Variants in UBE2G2 observed in about 807,000 individuals in gnomAD.
The protein encoded by UBE2G2 is ubiquitin-conjugating enzyme E2 G2.
UBE2G2 carries 10 observed loss-of-function variants against 23.0 expected under a neutral mutation model. The observed-to-expected ratio is 0.43, with a 90% CI of 0.27 to 0.74. The LOEUF (loss-of-function observed/expected upper bound fraction) is 0.74. Among genes scored for constraint, UBE2G2 ranks in the 30% least tolerant of loss-of-function variants. UBE2G2 has a pLI of 0.19. For synonymous variants in UBE2G2, 86 were observed against 81.3 expected (o/e 1.06, Z -0.31); for missense variants, 150 against 218.3 (o/e 0.69, Z 1.97).
chr21:44,781,668 T>C (rs1199599531), intron 3 of UBE2G2, among the ~76,000 whole-genome samples: 1 of 152,182 alleles, frequency 6.6e-6, no homozygotes, highest in African/African-American at 2.4e-5. Context: ...ATGACATATT[T>C]GACCCTCACC....
rs1319255471 is a variant in UBE2G2 at position 44,770,178 on chromosome 21, C to T, written c.*1199G>A. ...AGAGTCCCTTCTGAATTTTGAGTTG[C>T]AAAGAATGATTTTGTGCTAATAAAT... is the stretch of plus-strand genomic sequence containing the variant. On this transcript the variant is annotated 3_prime_UTR_variant, in exon 6 of 6. Transcript: ENST00000345496. The T allele has an allele frequency of 1.3e-5, 2 of 152,030 alleles. No homozygotes were observed. The highest frequency in any genetic ancestry group is 2.9e-5 in the Non-Finnish European group (2 of 68,014). 9.4% of individuals were successfully genotyped at this position (152,030 alleles called of 1,614,324 possible).
Position 44,792,642 on chromosome 21 carries a change from T to C in UBE2G2, c.44-4547A>G, listed in dbSNP as rs2083054751. Among the ~76,000 whole-genome samples, 5 of 152,224 alleles carry C rather than the reference T, an allele frequency of 3.3e-5. No homozygotes were observed. The South Asian group carries it at 1.0e-3, about 32-fold the overall frequency. On this transcript the variant is annotated intron_variant, in intron 1 of 5. Coordinates refer to ENST00000345496, the MANE Select transcript of UBE2G2 (RefSeq NM_003343.6). ...TTTATAATTACCCAGTCTCAGGTAG[T>C]ATCTTTATGGCAGTATAAGAACGGA...
intron 4 of UBE2G2, chr21:44,774,982 A>G (rs1276291480): frequency 3.3e-6 from 1 of 303,124 alleles, no homozygotes; most frequent in African/African-American, 2.3e-5. Flanking sequence ...TCTACCCTAG[A>G]CCACTACAGC....
At chr21:44,778,601 T>C (rs1343470757) in intron 3 of UBE2G2, among the ~76,000 whole-genome samples, 1 of 152,216 alleles carries the variant, frequency 6.6e-6, no homozygotes, top group Middle Eastern at 3.2e-3. Context: ...CGAACTCCTC[T>C]TCTCCTACAA....
intron 4 of UBE2G2, among the ~76,000 whole-genome samples, chr21:44,776,016 C>T (rs2082910884): frequency 6.6e-6 from 1 of 152,124 alleles, no homozygotes; most frequent in South Asian, 2.1e-4. Flanking sequence ...GGCAGCCGCC[C>T]ACTACCTATG....
Position 44,792,871 on chromosome 21 carries a change from G to T in UBE2G2, c.44-4776C>A, listed in dbSNP as rs575759236. Among the ~76,000 whole-genome samples the T allele has an allele frequency of 3.3e-5, 5 of 152,354 alleles. No individual in the cohort carries two copies. The South Asian group carries it at 1.0e-3, about 32-fold the overall frequency. ...AGAGAAGGCAGAGTGGCAAGGAGGG[G>T]CCAGCAAGGCAGGCCAAAGGCAAGT... On this transcript the variant is annotated intron_variant, in intron 1 of 5. Coordinates refer to ENST00000345496, the MANE Select transcript of UBE2G2 (RefSeq NM_003343.6).
At chr21:44,774,822 T>C in intron 4 of UBE2G2, 1 of 424,688 alleles carries the variant, frequency 2.4e-6, no homozygotes, top group South Asian at 1.7e-5. Flanking sequence ...AGGGTGACAC[T>C]GCATCCACAG....
intron 1 of UBE2G2, among the ~76,000 whole-genome samples, chr21:44,795,264 T>TA (rs1195414913): frequency 1.3e-5 from 2 of 150,376 alleles, no homozygotes; most frequent in East Asian, 3.9e-4. Context: ...ACCTCAAAAA[T>TA]AAAAAATAAA....
At chr21:44,774,846 AC>A (rs1340639008) in intron 4 of UBE2G2, 3 of 397,236 alleles carry the variant, frequency 7.6e-6, no homozygotes, top group African/African-American at 6.3e-5. Context: ...CATCAAAAGC[AC>A]CTGTGTCCCT....
In UBE2G2 at chr21:44,771,014, G is replaced by A. The variant is rs77674356; in HGVS notation, c.*363C>T. 4.8e-3 allele frequency: 904 copies of A among 187,262 alleles called. 11 individuals carry two copies. Among genetic ancestry groups the A allele is most frequent in the African/African-American group, 0.019 (796 of 42,466 alleles). 11.6% of individuals were successfully genotyped at this position (187,262 alleles called of 1,614,324 possible). On this transcript the variant is annotated 3_prime_UTR_variant, in exon 6 of 6. Transcript: ENST00000345496. This position sits in a 1 kb window ranked among gnomAD's most constrained non-coding sequence, Gnocchi z 4.6. ...GAAGGAGCGTTCTGGGTATTCCATC[G>A]TCCCCTGGAAGTCTGGCAGGTACAA...
chr21:44,778,070 T>A (rs2146387601), intron 3 of UBE2G2, among the ~76,000 whole-genome samples: 1 of 151,118 alleles, frequency 6.6e-6, no homozygotes. Flanking sequence ...GATCTGGGAG[T>A]TTTTTCTGCA....
chr21:44,788,974 G>C (rs1172750275), intron 1 of UBE2G2, among the ~76,000 whole-genome samples: 1 of 152,058 alleles, frequency 6.6e-6, no homozygotes, highest in Non-Finnish European at 1.5e-5. Context: ...AGAATCTAAA[G>C]ATAATTAGTA....
chr21:44,783,159 C>T (rs1405051390), intron 3 of UBE2G2, among the ~76,000 whole-genome samples: 1 of 152,106 alleles, frequency 6.6e-6, no homozygotes, highest in Admixed American at 6.5e-5. Context: ...GCCAATAAGC[C>T]CATTAAGAGA....
intron 1 of UBE2G2, among the ~76,000 whole-genome samples, chr21:44,799,584 T>G (rs1222512767): frequency 1.3e-5 from 2 of 152,234 alleles, no homozygotes; most frequent in African/African-American, 2.4e-5. Flanking sequence ...TTCATAAAAC[T>G]GAAGAGTTAG....
At chr21:44,779,300 C>A (rs2082937904) in intron 3 of UBE2G2, 1 of 350,598 alleles carries the variant, frequency 2.9e-6, no homozygotes, top group South Asian at 2.0e-5. Context: ...AATTTTGATT[C>A]TGAAAACTGT....
intron 1 of UBE2G2, among the ~76,000 whole-genome samples, chr21:44,792,763 C>T (rs1386973629): frequency 6.6e-6 from 1 of 152,232 alleles, no homozygotes; most frequent in African/African-American, 2.4e-5. Context: ...CCACTAACAC[C>T]TGCTGAGAAG....
intron 1 of UBE2G2, 26 bp downstream of exon 1, chr21:44,801,680 C>T (rs1555964848): frequency 6.6e-7 from 1 of 1,508,432 alleles, no homozygotes. Context: ...CGGGACGCTG[C>T]TGACGGCCCG....
At chr21:44,790,268 T>C (rs968498496) in intron 1 of UBE2G2, among the ~76,000 whole-genome samples, 1 of 152,186 alleles carries the variant, frequency 6.6e-6, no homozygotes, top group Non-Finnish European at 1.5e-5. Flanking sequence ...AATGGTTTGG[T>C]TACCCTTTGG....
chr21:44,774,419 C>A, intron 4 of UBE2G2: 1 of 207,832 alleles, frequency 4.8e-6, no homozygotes, highest in South Asian at 6.3e-5. Flanking sequence ...TGCAGTAATC[C>A]ATCTAGATAG....
Sources: gnomAD v4.1 joint callset for allele counts (sites outside exome capture counted in the v4.1 genomes callset) on GRCh38, gnomAD v4.1.1 for gene constraint, Gnocchi (gnomAD v3.1) non-coding constraint, MANE v1.5 for transcripts, NCBI Gene and HGNC (gene_info 2026-07-23, HGNC 2026-07-21) for gene names.